Variants in IL1RAP observed in about 807,000 individuals in gnomAD.
The protein encoded by IL1RAP is interleukin-1 receptor accessory protein.
In IL1RAP, 35 loss-of-function variants were observed where a neutral mutation model predicts 60.7. The ratio of observed to expected loss-of-function variants is 0.58; its 90% CI spans 0.44 to 0.76. The LOEUF (loss-of-function observed/expected upper bound fraction) is 0.76. IL1RAP is among the 30% of genes least tolerant of loss of function. The pLI is 0.00. For missense variants in IL1RAP, 572 were observed against 693.9 expected (o/e 0.82, Z 1.97); for synonymous variants, 268 against 250.9 (o/e 1.07, Z -0.64).
intron 1 of IL1RAP, among the ~76,000 whole-genome samples, chr3:190,555,420 C>G (rs1049410335): frequency 6.6e-6 from 1 of 152,078 alleles, no homozygotes; most frequent in African/African-American, 2.4e-5. Context: ...AACATATAAT[C>G]TCAAACATAC....
At chr3:190,584,636 A>C (rs1325003942) in intron 3 of IL1RAP, among the ~76,000 whole-genome samples, 1 of 152,190 alleles carries the variant, frequency 6.6e-6, no homozygotes. Flanking sequence ...CCATTTTGTC[A>C]TATGTATATC....
intron 9 of IL1RAP, among the ~76,000 whole-genome samples, chr3:190,631,140 AT>A (rs1357519966): frequency 7.2e-5 from 11 of 152,358 alleles, no homozygotes; most frequent in Admixed American, 7.2e-4. Context: ...AAGTTGGATT[AT>A]AGTGGCAGGA....
chr3:190,634,032 T>C (rs1035740511), intron 9 of IL1RAP, among the ~76,000 whole-genome samples: 2 of 152,172 alleles, frequency 1.3e-5, no homozygotes, highest in Non-Finnish European at 2.9e-5. Flanking sequence ...ATTTTTTCAT[T>C]TTCAGTTTGC....
chr3:190,536,674 C>A (rs1723489576), intron 1 of IL1RAP, among the ~76,000 whole-genome samples: 1 of 151,956 alleles, frequency 6.6e-6, no homozygotes, highest in African/African-American at 2.4e-5. Flanking sequence ...TCATATTTAG[C>A]CATTAAAAAT....
chr3:190,535,563 A>G (rs1286297199), intron 1 of IL1RAP, among the ~76,000 whole-genome samples: 1 of 152,110 alleles, frequency 6.6e-6, no homozygotes, highest in East Asian at 1.9e-4. Flanking sequence ...ACTCACTCTC[A>G]GCTCCCCACC....
In IL1RAP at chr3:190,649,248, C is replaced by T. The variant is rs1232216116; in HGVS notation, c.*543C>T. ...AGACTGACATCCACTTAGGATGATACAAAGCAGTGTAACTGAAAATGTTTC... is the reference window on the plus strand; with the variant it reads ...AGACTGACATCCACTTAGGATGATATAAAGCAGTGTAACTGAAAATGTTTC... On this transcript the variant is annotated 3_prime_UTR_variant, in exon 12 of 12. Transcript: ENST00000447382. 1 of 985,620 alleles carries T rather than the reference C, an allele frequency of 1.0e-6. No homozygotes were observed. Among genetic ancestry groups the T allele is most frequent in the Non-Finnish European group, 1.2e-6 (1 of 829,976 alleles). The allele number at this position is 985,620 out of a possible 1,614,324, so 61.1% of individuals were successfully genotyped here. A position where few individuals can be genotyped will look rare whatever the true frequency, so the allele number is the denominator to read the frequency against.
intron 3 of IL1RAP, among the ~76,000 whole-genome samples, chr3:190,583,894 T>C (rs1728217402): frequency 6.6e-6 from 1 of 152,244 alleles, no homozygotes; most frequent in East Asian, 1.9e-4. Context: ...TTTTTATTTT[T>C]ATTCACTCTT....
intron 5 of IL1RAP, 57 bp downstream of exon 5, chr3:190,609,238 T>A (rs1335227634): frequency 2.1e-5 from 25 of 1,198,694 alleles, no homozygotes; most frequent in Non-Finnish European, 2.8e-5. Flanking sequence ...ATGATAATGC[T>A]TATTTGCTGA....
At chr3:190,567,286 T>G (rs1170187831) in intron 3 of IL1RAP, among the ~76,000 whole-genome samples, 1 of 152,196 alleles carries the variant, frequency 6.6e-6, no homozygotes, top group Non-Finnish European at 1.5e-5. Flanking sequence ...AAGAAAGCTT[T>G]ATTTCCCTTT....
Position 190,575,989 on chromosome 3 carries a change from G to A in IL1RAP, c.64+11636G>A, listed in dbSNP as rs1225923654. On this transcript the variant is annotated intron_variant, in intron 3 of 11. Coordinates refer to ENST00000447382, the MANE Select transcript of IL1RAP (RefSeq NM_002182.4). ...AAAGGAAGCCAGCTCTGCAGCTGGCGGCTACCCAGGGTAACATCCAGAGTC... is the reference window on the plus strand; with the variant it reads ...AAAGGAAGCCAGCTCTGCAGCTGGCAGCTACCCAGGGTAACATCCAGAGTC... Among the ~76,000 whole-genome samples the A allele has an allele frequency of 4.6e-5, 7 of 152,184 alleles. No homozygotes were observed. In the South Asian group the frequency reaches 6.2e-4, roughly 14 times the overall value.
chr3:190,522,576 C>T (rs1168932433), intron 1 of IL1RAP, among the ~76,000 whole-genome samples: 1 of 152,062 alleles, frequency 6.6e-6, no homozygotes, highest in Non-Finnish European at 1.5e-5. Context: ...TCATTCAGTG[C>T]TGCTGTTTAC....
intron 9 of IL1RAP, chr3:190,642,554 C>T (rs1733732495): frequency 6.6e-6 from 1 of 152,166 alleles, no homozygotes; most frequent in Admixed American, 6.5e-5. Flanking sequence ...TCTCAGCAAA[C>T]ATTTAACATC....
At chr3:190,620,543 T>C in intron 6 of IL1RAP, 103 bp downstream of exon 6, 2 of 1,054,764 alleles carry the variant, frequency 1.9e-6, no homozygotes, top group Non-Finnish European at 2.8e-6. Flanking sequence ...ATAAGAAAAG[T>C]GATTCATGTT....
At chr3:190,520,385 T>A (rs1035511420) in intron 1 of IL1RAP, 7 of 152,162 alleles carry the variant, frequency 4.6e-5, no homozygotes, top group Non-Finnish European at 7.4e-5. Context: ...TTCCTTTAAT[T>A]TTGTGGTCAC....
chr3:190,576,969 C>T (rs972228715), intron 3 of IL1RAP, among the ~76,000 whole-genome samples: 6 of 151,874 alleles, frequency 4.0e-5, no homozygotes, highest in Non-Finnish European at 8.8e-5. Flanking sequence ...GGCGCGGTGG[C>T]GGGCGCCTGT....
intron 3 of IL1RAP, among the ~76,000 whole-genome samples, chr3:190,574,028 G>C: frequency 6.6e-6 from 1 of 152,124 alleles, no homozygotes; most frequent in East Asian, 1.9e-4. Context: ...GGTAAAATTT[G>C]TATTGCTCTT....
At chr3:190,593,593 G>T (rs1729126537) in intron 3 of IL1RAP, among the ~76,000 whole-genome samples, 1 of 152,128 alleles carries the variant, frequency 6.6e-6, no homozygotes, top group Non-Finnish European at 1.5e-5. Flanking sequence ...GAGGAGCAAA[G>T]TCACGTCTTA....
chr3:190,522,910 G>C (rs960082322), intron 1 of IL1RAP, among the ~76,000 whole-genome samples: 2 of 152,076 alleles, frequency 1.3e-5, no homozygotes, highest in East Asian at 1.9e-4. Context: ...GGATATTGTA[G>C]GGGTTTGAAT....
rs377347590 is a variant in IL1RAP at position 190,608,710 on chromosome 3, G to A, written c.351-285G>A. On this transcript the variant is annotated intron_variant, in intron 4 of 11. Transcript: ENST00000447382. ...ATCCATCATTAACTGAAATGTCATC[G>A]TGTGACACATGACTATTTATATACA... Among the ~76,000 whole-genome samples the A allele has an allele frequency of 1.5e-4, 23 of 152,242 alleles. No individual in the cohort carries two copies. The East Asian group carries it at 1.7e-3, about 11-fold the overall frequency.
Sources: gnomAD v4.1 joint callset for allele counts (sites outside exome capture counted in the v4.1 genomes callset) on GRCh38, gnomAD v4.1.1 for gene constraint, MANE v1.5 for transcripts, NCBI Gene and HGNC (gene_info 2026-07-23, HGNC 2026-07-21) for gene names.